The following RAB8A variants were observed in gnomAD, a reference collection of about 807,000 sequenced individuals.
RAB8A encodes RAB8A, member RAS oncogene family.
A neutral mutation model predicts 29.2 loss-of-function variants in RAB8A; 5 were observed. That is an observed-to-expected ratio of 0.17 (90% CI 0.09 to 0.36). The LOEUF (loss-of-function observed/expected upper bound fraction) is 0.36. Ranked by LOEUF, RAB8A falls within the 10% of genes least tolerant of loss-of-function variation. The pLI is 1.00. For missense variants in RAB8A, 171 were observed against 272.2 expected (o/e 0.63, Z 2.62); for synonymous variants, 108 against 99.9 (o/e 1.08, Z -0.49).
rs751027770 is a variant in RAB8A, at chr19:16,111,994, C to T, written c.93C>T (p.Asp31=). The change falls in exon 1 of 8, where the codon GAC becomes GAT. Residue 31 remains aspartate, a synonymous_variant. Coordinates refer to ENST00000300935, the MANE Select transcript of RAB8A (RefSeq NM_005370.5). ...KTCVLFRFSE[D]AFNSTFISTI... is the part of the protein sequence containing the mutation. ...GTGTCCTGTTCCGCTTCTCCGAGGA[C>T]GCCTTCAACTCCACTTTTATCTCCA... is the stretch of plus-strand genomic sequence containing the variant. 4.3e-6 allele frequency: 7 copies of T among 1,614,036 alleles called. No individual in the cohort carries two copies. Among genetic ancestry groups the T allele is most frequent in the Non-Finnish European group, 5.1e-6 (6 of 1,179,886 alleles).
At chr19:16,121,633 G>T (rs1402646412) in intron 2 of RAB8A, 117 bp from the exon 3 acceptor site, 22 of 849,844 alleles carry the variant, frequency 2.6e-5, no homozygotes, top group Non-Finnish European at 3.2e-5. Flanking sequence ...GCAGAAGAAG[G>T]TATCACAGTG....
intron 2 of RAB8A, among the ~76,000 whole-genome samples, chr19:16,120,842 CTCAGG>C (rs1452951334): frequency 6.6e-6 from 1 of 151,842 alleles, no homozygotes; most frequent in East Asian, 1.9e-4. Context: ...AACTCCTGGC[CTCAGG>C]TGATCCACCC....
At chr19:16,114,911 C>T (rs2090840039) in intron 1 of RAB8A, among the ~76,000 whole-genome samples, 1 of 149,338 alleles carries the variant, frequency 6.7e-6, no homozygotes, top group South Asian at 2.1e-4. Flanking sequence ...AATTCTTAGG[C>T]CTCATAAAGT....
intron 7 of RAB8A, among the ~76,000 whole-genome samples, chr19:16,131,596 TGGATGGTTGGAAAG>T (rs1406646232): frequency 6.6e-6 from 1 of 151,184 alleles, no homozygotes; most frequent in Non-Finnish European, 1.5e-5. Context: ...GATGGGTGGA[TGGATGGTTGGAAAG>T]GGATGGATGG....
At chr19:16,128,189 G>C (rs147593387) in intron 6 of RAB8A, 98 bp downstream of exon 6, 20 of 1,329,634 alleles carry the variant, frequency 1.5e-5, no homozygotes, top group Admixed American at 1.3e-4. Context: ...CCTGCCAGAC[G>C]GACCAGCCTC....
intron 6 of RAB8A, among the ~76,000 whole-genome samples, chr19:16,129,230 GTT>G (rs2090914974): frequency 6.6e-6 from 1 of 152,232 alleles, no homozygotes; most frequent in Non-Finnish European, 1.5e-5. Flanking sequence ...CTGAGCCTCA[GTT>G]TCCTCTCTGG....
chr19:16,126,128 G>A (rs2144993576), intron 4 of RAB8A: 1 of 186,004 alleles, frequency 5.4e-6, no homozygotes, highest in African/African-American at 2.3e-5. Context: ...AACTAACCAT[G>A]TGGGGCTTCA....
chr19:16,121,670 C>G (rs1207097025), intron 2 of RAB8A, 80 bp from the exon 3 acceptor site: 72 of 1,333,754 alleles, frequency 5.4e-5, no homozygotes, highest in Non-Finnish European at 7.4e-5. Flanking sequence ...GCCAGGCATC[C>G]CGGGTAGATG....
At chr19:16,126,701 T>C (rs7249915) in intron 4 of RAB8A, 2 of 152,034 alleles carry the variant, frequency 1.3e-5, no homozygotes, top group Non-Finnish European at 2.9e-5. Flanking sequence ...AGCCCAAAAA[T>C]AGTTGAAATG....
In RAB8A at chr19:16,121,732, C is replaced by CCTTCT. The variant is rs1355890956; in HGVS notation, c.186-13_186-9dup. The stretch of plus-strand genomic sequence containing the variant: ...ATTTTCCTTTAATGTTGCTAATATC[C>CCTTCT]CTTCTCTTCATGTTTAGGGACACAG... On this transcript the variant is annotated splice_polypyrimidine_tract_variant and intron_variant, in intron 2 of 7. Coordinates refer to ENST00000300935, the MANE Select transcript of RAB8A (RefSeq NM_005370.5). 6.2e-7 allele frequency: 1 copy of CCTTCT among 1,610,260 alleles called. No individual in the cohort carries two copies. The highest frequency in any genetic ancestry group is 2.2e-5 in the East Asian group (1 of 44,874).
chr19:16,122,927 CTG>C lies in RAB8A; in HGVS notation c.246+1120_246+1121del, dbSNP rs888218396. 7.9e-5 allele frequency among the ~76,000 whole-genome samples: 12 copies of C among 152,270 alleles called. 1 individual carries two copies. Among genetic ancestry groups the C allele is most frequent in the African/African-American group, 2.2e-4 (9 of 41,564 alleles). On this transcript the variant is annotated intron_variant, in intron 3 of 7. Coordinates refer to ENST00000300935, the MANE Select transcript of RAB8A (RefSeq NM_005370.5). The surrounding 1 kb of genome is among the most constrained non-coding windows in gnomAD (Gnocchi z 4.7). ...GGGGAGCTTCAGCCTCTGGAGAAAACTGTGACCTGGGGCCTGTCCCGATCTTC... is the reference window on the plus strand; with the variant it reads ...GGGGAGCTTCAGCCTCTGGAGAAAACTGACCTGGGGCCTGTCCCGATCTTC...
intron 7 of RAB8A, among the ~76,000 whole-genome samples, 157 bp downstream of exon 7, chr19:16,129,761 G>T (rs1276370431): frequency 2.0e-5 from 3 of 152,184 alleles, no homozygotes; most frequent in African/African-American, 7.2e-5. Flanking sequence ...TGCAGGTGTG[G>T]CTGGGGCATC....
In RAB8A at chr19:16,127,660, G is replaced by A. The variant is rs2090907964; in HGVS notation, c.414+134G>A. On this transcript the variant is annotated intron_variant, in intron 5 of 7. Coordinates refer to ENST00000300935, the MANE Select transcript of RAB8A (RefSeq NM_005370.5). This position sits in a 1 kb window ranked among gnomAD's most constrained non-coding sequence, Gnocchi z 4.8. ...CCCAGTGGGGCACGTGCCATGGGAT[G>A]ACAGAAGCACACACCCAGCCGGGGC... 2.8e-6 allele frequency: 2 copies of A among 706,640 alleles called. No homozygotes were observed. The highest frequency in any genetic ancestry group is 4.6e-6 in the Non-Finnish European group (2 of 437,610). The allele number at this position is 706,640 out of a possible 1,614,324, so 43.8% of individuals were successfully genotyped here.
At position 16,133,160 on chromosome 19, in the gene RAB8A, C is replaced by T. The variant is rs2145000646; in HGVS notation, c.*856C>T. The T allele has an allele frequency of 6.6e-6, 1 of 152,414 alleles. No homozygotes were observed. Among genetic ancestry groups the T allele is most frequent in the Admixed American group, 6.5e-5 (1 of 15,298 alleles). 9.4% of individuals were successfully genotyped at this position (152,414 alleles called of 1,614,324 possible). ...TCCCGCTATCTCCAAATCGGACGTT[C>T]TTTCTAGCTGAGATTTTTATTTTTC... On this transcript the variant is annotated 3_prime_UTR_variant, in exon 8 of 8. Transcript: ENST00000300935.
chr19:16,129,389 G>A (rs528753176), intron 6 of RAB8A, among the ~76,000 whole-genome samples, 165 bp from the exon 7 acceptor site: 1 of 152,302 alleles, frequency 6.6e-6, no homozygotes, highest in East Asian at 1.9e-4. Flanking sequence ...GGAAGGATGA[G>A]CTGGGGCCGG....
rs1195581091 is a variant in RAB8A at position 16,122,355 on chromosome 19, G to A, written c.246+545G>A. 2.0e-5 allele frequency among the ~76,000 whole-genome samples: 3 copies of A among 152,194 alleles called. No homozygotes were observed. The highest frequency in any genetic ancestry group is 4.8e-5 in the African/African-American group (2 of 41,454). ...TGCAGAAGGCGGCCAGGGATGGGAC[G>A]AGGTCCTGTGTCAGGGGCCCTGTGT... is the stretch of plus-strand genomic sequence containing the variant. On this transcript the variant is annotated intron_variant, in intron 3 of 7. Transcript: ENST00000300935. The surrounding 1 kb of genome is among the most constrained non-coding windows in gnomAD (Gnocchi z 4.7).
chr19:16,116,119 A>T (rs1276786837), intron 1 of RAB8A, among the ~76,000 whole-genome samples: 1 of 152,182 alleles, frequency 6.6e-6, no homozygotes, highest in Non-Finnish European at 1.5e-5. Flanking sequence ...CTGAGGAGGG[A>T]ACTTGAATGG....
intron 2 of RAB8A, among the ~76,000 whole-genome samples, chr19:16,118,808 T>C (rs1183799349): frequency 6.6e-6 from 1 of 152,184 alleles, no homozygotes; most frequent in Non-Finnish European, 1.5e-5. Context: ...CCGGGCCCCA[T>C]GTTGAGACCT....
chr19:16,128,036 A>G lies in RAB8A; in HGVS notation c.425A>G (p.Asp142Gly), dbSNP rs768854359. 3 of 1,614,144 alleles carry G rather than the reference A, an allele frequency of 1.9e-6. No homozygotes were observed. Among genetic ancestry groups the G allele is most frequent in the Non-Finnish European group, 2.5e-6 (3 of 1,180,000 alleles). ...SKERGEKLAL[D>G]YGIKFMETSA... ...CTCCCTCTCTCACAGCTGGCCCTCG[A>G]CTATGGAATCAAGTTCATGGAGACC... The change falls in exon 6 of 8, where the codon GAC (aspartate) becomes GGC (glycine). Residue 142 changes from aspartate (D) to glycine (G), a missense_variant. This residue lies in a region of RAB8A where 145 missense variants were observed against 212.8 expected (regional missense o/e 0.68). Coordinates refer to ENST00000300935, the MANE Select transcript of RAB8A (RefSeq NM_005370.5).
Sources: gnomAD v4.1 joint callset for allele counts (sites outside exome capture counted in the v4.1 genomes callset) on GRCh38, gnomAD v4.1.1 for gene constraint, gnomAD v4.1.1 regional missense constraint, Gnocchi (gnomAD v3.1) non-coding constraint, MANE v1.5 for transcripts, NCBI Gene and HGNC (gene_info 2026-07-23, HGNC 2026-07-21) for gene names.